The following PCCA variants were observed in gnomAD, a reference collection of about 807,000 sequenced individuals.
The protein encoded by PCCA is propionyl-CoA carboxylase alpha chain, mitochondrial.
In PCCA, 74 loss-of-function variants were observed where a neutral mutation model predicts 101.3. The ratio of observed to expected loss-of-function variants is 0.73; its 90% CI spans 0.61 to 0.89. PCCA has a LOEUF of 0.89. PCCA is among the 40% of genes least tolerant of loss of function. The pLI, the probability that PCCA is intolerant of heterozygous loss-of-function variation, is 0.00. For missense variants in PCCA, 891 were observed against 907.0 expected, an observed-to-expected ratio of 0.98 and a Z score of 0.23; for synonymous variants, 294 against 313.6, an observed-to-expected ratio of 0.94 and a Z score of 0.66.
intron 21 of PCCA, among the ~76,000 whole-genome samples, chr13:100,508,679 C>T (rs190392491): frequency 1.3e-5 from 2 of 152,280 alleles, no homozygotes; most frequent in East Asian, 1.9e-4. Context: ...TTCACTGAGG[C>T]GTGTTGGTTT....
intron 4 of PCCA, among the ~76,000 whole-genome samples, chr13:100,144,099 T>A (rs1017237004): frequency 6.6e-6 from 1 of 151,066 alleles, no homozygotes; most frequent in African/African-American, 2.5e-5. Flanking sequence ...TTCATACCAC[T>A]GCTTGGTGAA....
intron 19 of PCCA, among the ~76,000 whole-genome samples, chr13:100,425,248 C>G (rs922646218): frequency 6.6e-6 from 1 of 152,138 alleles, no homozygotes; most frequent in Non-Finnish European, 1.5e-5. Flanking sequence ...AAAAGTTCTT[C>G]CTTGGTCCTT....
At chr13:100,262,483 C>T (rs1024847500) in intron 9 of PCCA, among the ~76,000 whole-genome samples, 3 of 152,084 alleles carry the variant, frequency 2.0e-5, no homozygotes, top group African/African-American at 7.2e-5. Context: ...TTAAATAACT[C>T]ATCCATGGTC....
chr13:100,123,062 C>T (rs2049567863), intron 4 of PCCA, among the ~76,000 whole-genome samples: 1 of 152,188 alleles, frequency 6.6e-6, no homozygotes, highest in South Asian at 2.1e-4. Context: ...AACTGAATAA[C>T]TCCTTTTCTT....
At chr13:100,443,293 AT>A (rs979368877) in intron 20 of PCCA, among the ~76,000 whole-genome samples, 2 of 152,010 alleles carry the variant, frequency 1.3e-5, no homozygotes, top group African/African-American at 4.8e-5. Flanking sequence ...TCTACAAATA[AT>A]TTTTTTAAAA....
At chr13:100,150,278 C>T (rs893937936) in intron 4 of PCCA, among the ~76,000 whole-genome samples, 17 of 152,098 alleles carry the variant, frequency 1.1e-4, no homozygotes, top group Admixed American at 7.9e-4. Context: ...GTGATCCACC[C>T]GCCTCGGCCT....
chr13:100,210,574 G>A (rs2059152210), intron 7 of PCCA, among the ~76,000 whole-genome samples: 1 of 152,180 alleles, frequency 6.6e-6, no homozygotes, highest in South Asian at 2.1e-4. Context: ...CAAACATTTA[G>A]CAAGGGCCTT....
intron 21 of PCCA, among the ~76,000 whole-genome samples, chr13:100,474,752 G>C (rs1044335656): frequency 6.6e-6 from 1 of 152,010 alleles, no homozygotes; most frequent in African/African-American, 2.4e-5. Flanking sequence ...GCCTCCCAAA[G>C]TGCTAGGTGT....
intron 4 of PCCA, among the ~76,000 whole-genome samples, chr13:100,118,090 T>G (rs1484979881): frequency 7.2e-6 from 1 of 138,230 alleles, no homozygotes; most frequent in Non-Finnish European, 1.5e-5. Context: ...CAGTCCAGCC[T>G]GGGCGACAGA....
At chr13:100,419,029 A>T (rs903466470) in intron 19 of PCCA, among the ~76,000 whole-genome samples, 6 of 149,560 alleles carry the variant, frequency 4.0e-5, no homozygotes, top group Non-Finnish European at 8.9e-5. Context: ...TTTTTTTTTT[A>T]AATATGATAT....
At chr13:100,291,128 A>G (rs1411861157) in intron 12 of PCCA, among the ~76,000 whole-genome samples, 2 of 152,334 alleles carry the variant, frequency 1.3e-5, no homozygotes, top group Admixed American at 6.5e-5. Context: ...AGTATACGGA[A>G]AGGGCTGGGT....
At chr13:100,342,015 A>G (rs1288782715) in intron 18 of PCCA, among the ~76,000 whole-genome samples, 1 of 114,948 alleles carries the variant, frequency 8.7e-6, no homozygotes, top group South Asian at 2.5e-4. Flanking sequence ...ATGTATTTTT[A>G]TATACATACA....
At chr13:100,442,843 G>A (rs1332293855) in intron 20 of PCCA, among the ~76,000 whole-genome samples, 1 of 152,182 alleles carries the variant, frequency 6.6e-6, no homozygotes, top group East Asian at 1.9e-4. Context: ...GGGCAAACGT[G>A]CAGAAGTCTG....
At chr13:100,373,615 T>C (rs1328877393) in intron 19 of PCCA, among the ~76,000 whole-genome samples, 2 of 152,192 alleles carry the variant, frequency 1.3e-5, no homozygotes, top group African/African-American at 2.4e-5. Context: ...TGAGGAGTTA[T>C]TGCTTCAAGA....
chr13:100,497,424 T>G (rs1179048957), intron 21 of PCCA, among the ~76,000 whole-genome samples: 1 of 152,088 alleles, frequency 6.6e-6, no homozygotes, highest in African/African-American at 2.4e-5. Context: ...TGTGGAATGG[T>G]AAAGCAGTGT....
In PCCA at chr13:100,223,843, A is replaced by G. The variant is rs183900347; in HGVS notation, c.601-11999A>G. On this transcript the variant is annotated intron_variant, in intron 7 of 23. Transcript: ENST00000376285. ...CACAAAGGTTCTCCAAGTCCCCACC[A>G]GAGTAGCTAGATACAGAGTGTCGAT... 7.0e-3 allele frequency among the ~76,000 whole-genome samples: 1,067 copies of G among 152,268 alleles called. 6 individuals carry two copies. Among genetic ancestry groups the G allele is most frequent in the South Asian group, 0.014 (67 of 4,822 alleles).
rs141492673 is a variant in PCCA at position 100,305,308 on chromosome 13, A to G, written c.1285-1884A>G. 2.9e-3 allele frequency among the ~76,000 whole-genome samples: 441 copies of G among 152,334 alleles called. 1 individual carries two copies. Among genetic ancestry groups the G allele is most frequent in the African/African-American group, 0.01 (422 of 41,578 alleles). On this transcript the variant is annotated intron_variant, in intron 14 of 23. Coordinates refer to ENST00000376285, the MANE Select transcript of PCCA (RefSeq NM_000282.4). ...TAAATAACAAAGACAGTTATATTTAATTAAGATCTGTAGGTAACACCTTAT... is the reference window on the plus strand; with the variant it reads ...TAAATAACAAAGACAGTTATATTTAGTTAAGATCTGTAGGTAACACCTTAT...
At chr13:100,291,820 T>C (rs765369491) in intron 12 of PCCA, among the ~76,000 whole-genome samples, 5 of 152,238 alleles carry the variant, frequency 3.3e-5, no homozygotes, top group African/African-American at 4.8e-5. Flanking sequence ...GGAGCCTTTA[T>C]TGACTTTTCC....
intron 7 of PCCA, among the ~76,000 whole-genome samples, chr13:100,231,249 G>A (rs528009692): frequency 9.9e-5 from 15 of 152,238 alleles, no homozygotes; most frequent in African/African-American, 2.6e-4. Context: ...TTCTTGTTCC[G>A]TCCCGTGTCT....
Sources: allele counts gnomAD v4.1 joint callset (sites outside exome capture counted in the v4.1 genomes callset), GRCh38; gene constraint gnomAD v4.1.1; transcripts MANE v1.5; gene names NCBI Gene and HGNC (gene_info 2026-07-23, HGNC 2026-07-21).